Variants in CFAP92 observed in about 807,000 individuals in gnomAD.
CFAP92 encodes uncharacterized protein CFAP92.
In CFAP92, 86 loss-of-function variants were observed where a neutral mutation model predicts 106.3. The ratio of observed to expected loss-of-function variants is 0.81; its 90% CI spans 0.68 to 0.97. The LOEUF is 0.97. CFAP92 is among the 50% of genes least tolerant of loss of function. CFAP92 has a pLI of 0.00. For synonymous variants in CFAP92, 477 were observed against 506.4 expected, an observed-to-expected ratio of 0.94 and a Z score of 0.78; for missense variants, 1,204 against 1,283.8, an observed-to-expected ratio of 0.94 and a Z score of 0.95.
chr3:128,915,550 CTCTT>C lies in CFAP92; in HGVS notation c.2926_2929del (p.Lys976AspfsTer18). Reference sequence around the variant, plus strand: ...GAGGTAATCCTGTGAGTACGTGAATCTCTTTCTTGGCTCCTAGAAATGGGGGCAG... The same window carrying C: ...GAGGTAATCCTGTGAGTACGTGAATCTCTTGGCTCCTAGAAATGGGGGCAG... On this transcript the variant is annotated frameshift_variant, in exon 14 of 16. Coordinates refer to ENST00000645291, the MANE Select transcript of CFAP92 (RefSeq NM_001394090.1). LOFTEE classifies it high-confidence loss of function. The C allele has an allele frequency of 6.6e-7, 1 of 1,517,962 alleles. No homozygotes were observed. The highest frequency in any genetic ancestry group is 8.8e-7 in the Non-Finnish European group (1 of 1,137,774). The allele number at this position is 1,517,962 out of a possible 1,614,324, so 94.0% of individuals were successfully genotyped here.
intron 10 of CFAP92, among the ~76,000 whole-genome samples, chr3:128,938,012 C>T (rs1385903628): frequency 2.0e-5 from 3 of 151,278 alleles, no homozygotes; most frequent in Non-Finnish European, 2.9e-5. Context: ...TGCAGTGAGC[C>T]GAGATCGCAC....
the CFAP92 span, among the ~76,000 whole-genome samples, chr3:129,019,056 G>A: frequency 1.3e-5 from 2 of 152,328 alleles, no homozygotes; most frequent in South Asian, 4.1e-4. Context: ...TGTGAGAACT[G>A]TCCCAGGAGA....
chr3:128,915,814 GC>G (rs1936769148), intron 13 of CFAP92: 1 of 494,780 alleles, frequency 2.0e-6, no homozygotes, highest in Admixed American at 3.8e-5. Flanking sequence ...GTTGGTAGCT[GC>G]CTTGATAAGC....
chr3:128,982,391 AG>A (rs1445698918), intron 4 of CFAP92, among the ~76,000 whole-genome samples: 1 of 152,208 alleles, frequency 6.6e-6, no homozygotes, highest in Non-Finnish European at 1.5e-5. Context: ...AACTGAAGAA[AG>A]TTAGGGCTTT....
intron 12 of CFAP92, among the ~76,000 whole-genome samples, chr3:128,924,105 A>G (rs1937518243): frequency 6.6e-6 from 1 of 152,232 alleles, no homozygotes; most frequent in South Asian, 2.1e-4. Context: ...GTTTTACAAA[A>G]AAGAAAAGGG....
the CFAP92 span, among the ~76,000 whole-genome samples, chr3:129,022,790 A>C: frequency 6.6e-6 from 1 of 152,302 alleles, no homozygotes; most frequent in African/African-American, 2.4e-5. Flanking sequence ...CCCCCAGACC[A>C]TTTCCCCCAT....
Position 128,945,845 on chromosome 3 carries a change from G to T in CFAP92, c.1484C>A (p.Pro495His). ...INVIFLGALH[P>H]SDLREYLEGP... ...CTCCAGGTATTCCCTTAGGTCACTG[G>T]GGTGCAGTGCCCCAAGGAAGATGAC... is the stretch of plus-strand genomic sequence containing the variant. The change falls in exon 10 of 16, where the codon CCC (proline) becomes CAC (histidine). Residue 495 changes from proline to histidine, a missense_variant. Transcript: ENST00000645291. 6.6e-7 allele frequency: 1 copy of T among 1,507,598 alleles called. No individual in the cohort carries two copies. Among genetic ancestry groups the T allele is most frequent in the South Asian group, 1.3e-5 (1 of 78,506 alleles). The allele number at this position is 1,507,598 out of a possible 1,614,324, so 93.4% of individuals were successfully genotyped here.
chr3:128,992,418 T>C (rs1352574630), intron 2 of CFAP92, among the ~76,000 whole-genome samples: 1 of 151,666 alleles, frequency 6.6e-6, no homozygotes, highest in Non-Finnish European at 1.5e-5. Context: ...AAAAATTAGA[T>C]GGGTGTGGTG....
the CFAP92 span, among the ~76,000 whole-genome samples, chr3:129,022,026 G>C: frequency 1.3e-5 from 2 of 152,226 alleles, no homozygotes; most frequent in South Asian, 2.1e-4. Flanking sequence ...GGCCGGGGCA[G>C]GCGCAGAGCT....
At chr3:128,910,883 C>G in intron 15 of CFAP92, 1 of 1,559,412 alleles carries the variant, frequency 6.4e-7, no homozygotes, top group Middle Eastern at 1.8e-4. Context: ...TGAGCTGTTT[C>G]TGGACCCTGT....
intron 9 of CFAP92, among the ~76,000 whole-genome samples, chr3:128,962,915 C>T (rs1942058031): frequency 1.3e-5 from 2 of 152,178 alleles, no homozygotes; most frequent in Admixed American, 6.5e-5. Flanking sequence ...TCCTCAATAC[C>T]TTCCTCTACT....
chr3:128,974,962 C>T (rs11921009), intron 7 of CFAP92, among the ~76,000 whole-genome samples: 10,931 of 149,622 alleles, frequency 0.073, 1,018 homozygotes, highest in African/African-American at 0.22. Context: ...CTAATAAAAA[C>T]ACAAAAAATT....
chr3:128,941,540 G>A (rs1184720607), intron 10 of CFAP92, among the ~76,000 whole-genome samples: 6 of 152,136 alleles, frequency 3.9e-5, no homozygotes, highest in Non-Finnish European at 8.8e-5. Context: ...GCAGTGGCAT[G>A]ATCTTGGCTC....
At chr3:128,977,527 G>T (rs1943234507) in intron 5 of CFAP92, among the ~76,000 whole-genome samples, 1 of 152,112 alleles carries the variant, frequency 6.6e-6, no homozygotes, top group Admixed American at 6.5e-5. Flanking sequence ...TCTATTCACT[G>T]AATTTTCTAA....
chr3:128,982,944 C>T (rs912378021), intron 4 of CFAP92, among the ~76,000 whole-genome samples: 1 of 152,066 alleles, frequency 6.6e-6, no homozygotes, highest in Non-Finnish European at 1.5e-5. Context: ...TCGCAGATCA[C>T]CAAAGCAGAT....
rs756922480 is a variant in CFAP92, at chr3:128,993,215, C to A, written c.90G>T (p.Glu30Asp). 2 of 1,613,944 alleles carry A rather than the reference C, an allele frequency of 1.2e-6. No individual in the cohort carries two copies. The highest frequency in any genetic ancestry group is 2.7e-5 in the African/African-American group (2 of 74,944). ...SITSFYQSTS[E>D]CDVEEHLKAK... ...CCTTCAGGTGTTCCTCCACGTCACA[C>A]TCGCTCGTGGACTGGTAAAAGCTAG... The change falls in exon 2 of 16, where the codon GAG (glutamate) becomes GAT (aspartate). Residue 30 changes from glutamate (E) to aspartate (D), a missense_variant. Physicochemically the swap from Glu to Asp is conservative, Grantham distance 45. Transcript: ENST00000645291.
chr3:128,934,234 A>G (rs1054540557), intron 11 of CFAP92, among the ~76,000 whole-genome samples: 16 of 152,192 alleles, frequency 1.1e-4, no homozygotes, highest in African/African-American at 2.4e-4. Context: ...CAGCTGCTCA[A>G]TGAGGGAATG....
the CFAP92 span, among the ~76,000 whole-genome samples, chr3:129,010,495 C>T: frequency 1.9e-3 from 236 of 125,694 alleles, 1 homozygote; most frequent in African/African-American, 6.6e-3. This position sits in a 1 kb window ranked among gnomAD's most constrained non-coding sequence, Gnocchi z 4.3. Context: ...GGTGAAAAGG[C>T]TGGGATGGAG....
At position 128,910,121 on chromosome 3, in the gene CFAP92, G is replaced by C; in HGVS notation, c.*178C>G. ...CTGTCGCGGGCCAGCCGCTCCATCC[G>C]CATTGGGCTCCGCAACCACGACCAC... On this transcript the variant is annotated 3_prime_UTR_variant, in exon 16 of 16. Coordinates refer to ENST00000645291, the MANE Select transcript of CFAP92 (RefSeq NM_001394090.1). The C allele has an allele frequency of 6.2e-7, 1 of 1,614,012 alleles. No homozygotes were observed. The highest frequency in any genetic ancestry group is 8.5e-7 in the Non-Finnish European group (1 of 1,180,032).
Sources: gnomAD v4.1 joint callset for allele counts (sites outside exome capture counted in the v4.1 genomes callset) on GRCh38, gnomAD v4.1.1 for gene constraint, Gnocchi (gnomAD v3.1) non-coding constraint, MANE v1.5 for transcripts, NCBI Gene and HGNC (gene_info 2026-07-23, HGNC 2026-07-21) for gene names.